SGCD: variants seen among roughly 807,000 people sequenced by gnomAD.
SGCD encodes the protein delta-sarcoglycan.
Under a neutral mutation model 36.6 loss-of-function variants are expected in SGCD, and 18 were observed. That is an observed-to-expected ratio of 0.49 (90% CI 0.34 to 0.73). The LOEUF (loss-of-function observed/expected upper bound fraction) is 0.73. Ranked by LOEUF, SGCD falls within the 30% of genes least tolerant of loss-of-function variation. The pLI is 0.01. For synonymous variants in SGCD, 133 were observed against 130.6 expected (o/e 1.02, Z -0.12); for missense variants, 387 against 346.7 (o/e 1.12, Z -0.92).
chr5:156,183,687 G>A (rs751301169), intron 3 of SGCD, among the ~76,000 whole-genome samples: 2 of 152,120 alleles, frequency 1.3e-5, no homozygotes, highest in Non-Finnish European at 1.5e-5. Flanking sequence ...GATTACAGGC[G>A]TGAGCCACAG....
chr5:156,715,414 G>A (rs955473759), intron 7 of SGCD, among the ~76,000 whole-genome samples: 8 of 152,200 alleles, frequency 5.3e-5, no homozygotes, highest in African/African-American at 1.9e-4. Context: ...TGTTACACTT[G>A]CACAATTAGG....
At chr5:156,189,359 A>T (rs1271686108) in intron 3 of SGCD, among the ~76,000 whole-genome samples, 1 of 152,202 alleles carries the variant, frequency 6.6e-6, no homozygotes, top group Non-Finnish European at 1.5e-5. Flanking sequence ...AATGCTAAAA[A>T]AAATTAGTGA....
At chr5:156,108,441 G>T (rs911683908) in intron 1 of SGCD, among the ~76,000 whole-genome samples, 1 of 151,972 alleles carries the variant, frequency 6.6e-6, no homozygotes, top group Non-Finnish European at 1.5e-5. Context: ...GGAGATAATA[G>T]TTAAAACCAA....
chr5:156,464,993 G>A lies in SGCD; in HGVS notation c.193-43608G>A, dbSNP rs528771427. 2.4e-4 allele frequency among the ~76,000 whole-genome samples: 37 copies of A among 152,174 alleles called. 1 individual carries two copies. The highest frequency in any genetic ancestry group is 8.2e-4 in the African/African-American group (34 of 41,502). On this transcript the variant is annotated intron_variant, in intron 3 of 8. Coordinates refer to ENST00000337851, the MANE Select transcript of SGCD (RefSeq NM_000337.6). ...AGGACATTCTGCACACTTCAGATTCGTTGAGCTCTCTTAGAAGCAAATTTT... is the reference window on the plus strand; with the variant it reads ...AGGACATTCTGCACACTTCAGATTCATTGAGCTCTCTTAGAAGCAAATTTT...
intron 3 of SGCD, among the ~76,000 whole-genome samples, chr5:156,158,176 T>G (rs760483732): frequency 8.6e-5 from 13 of 151,482 alleles, no homozygotes; most frequent in Non-Finnish European, 1.8e-4. Flanking sequence ...TGAATAACAC[T>G]GTGGTCCACC....
chr5:156,550,917 G>T (rs141828524), intron 4 of SGCD, among the ~76,000 whole-genome samples: 1 of 152,264 alleles, frequency 6.6e-6, no homozygotes, highest in Admixed American at 6.5e-5. Context: ...TTCTGCCTTC[G>T]TAGGTCATCT....
chr5:155,904,350 T>C (rs901548918), intron 1 of SGCD, among the ~76,000 whole-genome samples: 1 of 152,170 alleles, frequency 6.6e-6, no homozygotes, highest in Non-Finnish European at 1.5e-5. Context: ...TTTGTAAAAA[T>C]TGTGGCAAAA....
intron 3 of SGCD, among the ~76,000 whole-genome samples, chr5:156,243,332 A>G (rs1266818390): frequency 6.6e-6 from 1 of 152,194 alleles, no homozygotes; most frequent in African/African-American, 2.4e-5. Flanking sequence ...TAGACTGAGG[A>G]GGTCATTTGC....
the SGCD span, among the ~76,000 whole-genome samples, chr5:155,809,916 G>C: frequency 6.6e-6 from 1 of 152,206 alleles, no homozygotes; most frequent in South Asian, 2.1e-4. Flanking sequence ...ATCCTGGCCA[G>C]TCAGTGGCCT....
At chr5:156,051,290 C>T (rs1156516971) in intron 1 of SGCD, among the ~76,000 whole-genome samples, 1 of 146,036 alleles carries the variant, frequency 6.8e-6, no homozygotes, top group Non-Finnish European at 1.5e-5. Flanking sequence ...TCAAATTTAG[C>T]TTACTAAATT....
intron 1 of SGCD, among the ~76,000 whole-genome samples, chr5:155,978,050 T>C (rs1758154954): frequency 2.6e-5 from 4 of 151,966 alleles, no homozygotes; most frequent in Admixed American, 2.6e-4. Context: ...GCTGAGATCA[T>C]GCCACTGCAC....
Position 156,047,646 on chromosome 5 carries a change from G to C in SGCD, c.-281-70232G>C, listed in dbSNP as rs543293821. Among the ~76,000 whole-genome samples, 15 of 152,126 alleles carry C rather than the reference G, an allele frequency of 9.9e-5. No homozygotes were observed. In the South Asian group the frequency reaches 1.5e-3, roughly 15 times the overall value. On this transcript the variant is annotated intron_variant, in intron 1 of 9. Transcript: ENST00000517913. ...GCCTGCTGCTAAGACTTACAGCTTG[G>C]GGGGGAAAAAGTTCTTTTCAAAATA...
intron 3 of SGCD, among the ~76,000 whole-genome samples, chr5:156,507,689 C>G (rs1250255364): frequency 6.6e-6 from 1 of 152,014 alleles, no homozygotes; most frequent in African/African-American, 2.4e-5. Flanking sequence ...AAAATCTAAA[C>G]TCTGGGAAAT....
At chr5:156,247,415 T>C (rs1765465260) in intron 3 of SGCD, among the ~76,000 whole-genome samples, 1 of 152,180 alleles carries the variant, frequency 6.6e-6, no homozygotes, top group South Asian at 2.1e-4. Context: ...TTTATAATAG[T>C]TTTTTTGGTG....
the SGCD span, among the ~76,000 whole-genome samples, chr5:155,782,655 G>A: frequency 2.0e-5 from 3 of 152,170 alleles, no homozygotes; most frequent in Non-Finnish European, 4.4e-5. Context: ...TATGAGCCGG[G>A]CTGCACAGCA....
the SGCD span, among the ~76,000 whole-genome samples, chr5:155,769,989 A>C: frequency 6.7e-6 from 1 of 149,748 alleles, no homozygotes; most frequent in Non-Finnish European, 1.5e-5. Context: ...TTGCTTCTCC[A>C]TTTTTTTTTC....
chr5:155,863,001 T>C, the SGCD span, among the ~76,000 whole-genome samples: 211 of 152,334 alleles, frequency 1.4e-3, no homozygotes, highest in African/African-American at 4.9e-3. Context: ...GGAAATGTTA[T>C]CAGAGAAGCA....
At chr5:156,711,385 T>A (rs1341782145) in intron 7 of SGCD, among the ~76,000 whole-genome samples, 1 of 152,202 alleles carries the variant, frequency 6.6e-6, no homozygotes, top group Non-Finnish European at 1.5e-5. Context: ...TTCCTGCAAA[T>A]GTATCTCTCA....
chr5:155,951,699 A>G (rs190482715), intron 1 of SGCD, among the ~76,000 whole-genome samples: 13 of 152,270 alleles, frequency 8.5e-5, no homozygotes, highest in African/African-American at 3.1e-4. Context: ...GGCTATGTCA[A>G]ATGCCTAACT....
Sources: gnomAD v4.1 joint callset for allele counts (sites outside exome capture counted in the v4.1 genomes callset) on GRCh38, gnomAD v4.1.1 for gene constraint, MANE v1.5 for transcripts, NCBI Gene and HGNC (gene_info 2026-07-23, HGNC 2026-07-21) for gene names.